The following EGFL7 variants were observed in gnomAD, a reference collection of about 807,000 sequenced individuals.
EGFL7 encodes the protein epidermal growth factor-like protein 7.
Under a neutral mutation model 37.1 loss-of-function variants are expected in EGFL7, and 48 were observed. The observed-to-expected ratio is 1.29, with a 90% CI of 1.03 to 1.65. EGFL7 has a LOEUF of 1.65. Among genes scored for constraint, EGFL7 ranks in the 40% most tolerant of loss-of-function variants. The pLI is 0.00. For missense variants in EGFL7, 384 were observed against 378.9 expected (o/e 1.01, Z -0.11); for synonymous variants, 180 against 156.8 (o/e 1.15, Z -1.10).
At chr9:136,661,961 C>A (rs979722377), upstream of EGFL7, among the ~76,000 whole-genome samples, 3 of 152,354 alleles carry the variant, frequency 2.0e-5, no homozygotes, top group East Asian at 1.9e-4. Flanking sequence ...GGGTTCCAGG[C>A]GTGCCCTCCA....
intron 6 of EGFL7, 63 bp downstream of exon 6, chr9:136,669,784 A>G: frequency 2.7e-6 from 4 of 1,462,250 alleles, no homozygotes; most frequent in Non-Finnish European, 3.7e-6. Context: ...TCTTCCAGCA[A>G]CGCTCCTGCT....
chr9:136,667,904 G>C (rs948060985), intron 3 of EGFL7, among the ~76,000 whole-genome samples: 11 of 152,230 alleles, frequency 7.2e-5, no homozygotes, highest in Non-Finnish European at 1.6e-4. Context: ...GAACCAGGCA[G>C]GACAGGAGAA....
intron 5 of EGFL7, among the ~76,000 whole-genome samples, chr9:136,669,300 C>T (rs1262947154): frequency 6.6e-6 from 1 of 152,240 alleles, no homozygotes; most frequent in Non-Finnish European, 1.5e-5. Context: ...ACACCCTCTC[C>T]TCTGGGCCTG....
chr9:136,671,814 C>G, intron 9 of EGFL7, 112 bp from the exon 10 acceptor site: 8 of 1,350,418 alleles, frequency 5.9e-6, no homozygotes, highest in Non-Finnish European at 7.8e-6. Context: ...AGCCCTGCCG[C>G]GGAGGCGGGG....
upstream of EGFL7, among the ~76,000 whole-genome samples, chr9:136,661,019 G>A (rs1489709956): frequency 2.6e-5 from 4 of 152,136 alleles, no homozygotes; most frequent in African/African-American, 4.8e-5. Context: ...GCAGGCCGCA[G>A]GGATGCAGGC....
At chr9:136,669,792 G>A in intron 6 of EGFL7, 71 bp downstream of exon 6, 1 of 1,457,642 alleles carries the variant, frequency 6.9e-7, no homozygotes, top group South Asian at 1.3e-5. Flanking sequence ...CAACGCTCCT[G>A]CTGCTTTTCT....
At position 136,671,014 on chromosome 9, in the gene EGFL7, G is replaced by A; in HGVS notation, c.636G>A (p.Glu212=). The A allele has an allele frequency of 7.9e-7, 1 of 1,273,394 alleles. No individual in the cohort carries two copies. The highest frequency in any genetic ancestry group is 1.1e-6 in the Non-Finnish European group (1 of 921,412). The allele number at this position is 1,273,394 out of a possible 1,614,324, so 78.9% of individuals were successfully genotyped here. A position where few individuals can be genotyped will look rare whatever the true frequency, so the allele number is the denominator to read the frequency against. ...AGTCCAGGGTGGACCTGCTGGAGGA[G>A]GTGAGGCATTGGTGGGGGGGGGGGG... ...RLQSRVDLLE[E]KLQLVLAPLH... is the part of the protein sequence containing the mutation. The change falls in exon 9 of 11, where the codon GAG becomes GAA. Residue 212 remains glutamate, a splice_region_variant and synonymous_variant. Coordinates refer to ENST00000308874, the MANE Select transcript of EGFL7 (RefSeq NM_016215.5).
chr9:136,665,950 C>G (rs1845441949), intron 3 of EGFL7: 1 of 144,202 alleles, frequency 6.9e-6, no homozygotes, highest in South Asian at 2.1e-4. Context: ...GGCTCCGGGA[C>G]GAGGCAGCGC....
chr9:136,672,008 T>C lies in EGFL7; in HGVS notation c.719T>C (p.Leu240Pro). ...GGGCTCCCGGACCCCGGCAGCCTCC[T>C]GGTGCACTCCTTCCAGCAGCTCGGC... ...EHGLPDPGSL[L>P]VHSFQQLGRI... is the part of the protein sequence containing the mutation. Residue 240 changes from leucine to proline, a missense_variant, in exon 10 of 11, where the codon CTG (leucine) becomes CCG (proline). By Grantham distance (98) the Leu-to-Pro change is moderately conservative. Coordinates refer to ENST00000308874, the MANE Select transcript of EGFL7 (RefSeq NM_016215.5). 1.9e-6 allele frequency: 3 copies of C among 1,544,250 alleles called. No homozygotes were observed. In the South Asian group the frequency reaches 3.6e-5, roughly 18 times the overall value.
chr9:136,661,300 C>A (rs552385849), upstream of EGFL7, among the ~76,000 whole-genome samples: 9 of 152,110 alleles, frequency 5.9e-5, no homozygotes, highest in Admixed American at 2.6e-4. Context: ...CCCCTCCTGA[C>A]AGCTGGAGGG....
At chr9:136,670,667 A>C in intron 8 of EGFL7, 1 of 770,710 alleles carries the variant, frequency 1.3e-6, no homozygotes, top group Non-Finnish European at 2.4e-6. Context: ...ACCGTGAGTA[A>C]TAATGCGCCG....
chr9:136,670,098 GGTT>G, intron 7 of EGFL7, 68 bp from the exon 8 acceptor site: 1 of 1,607,564 alleles, frequency 6.2e-7, no homozygotes, highest in Non-Finnish European at 8.5e-7. Context: ...ATGAGTGGGT[GGTT>G]GTGAAGGGAG....
At chr9:136,665,454 G>T (rs1845398427) in intron 3 of EGFL7, among the ~76,000 whole-genome samples, 1 of 152,226 alleles carries the variant, frequency 6.6e-6, no homozygotes, top group Admixed American at 6.5e-5. Context: ...CCGCAGCCCC[G>T]TCAGTGTGGG....
At position 136,670,925 on chromosome 9, in the gene EGFL7, A is replaced by AC. The variant is rs571532169; in HGVS notation, c.572-22dup. The AC allele has an allele frequency of 3.0e-3, 4,624 of 1,524,362 alleles. 10 individuals are homozygous for AC. Among genetic ancestry groups the AC allele is most frequent in the Non-Finnish European group, 3.5e-3 (3,983 of 1,135,484 alleles). The allele number at this position is 1,524,362 out of a possible 1,614,324, so 94.4% of individuals were successfully genotyped here. ...GTGGGTGGGGAGCCGGCCGGCCGTGACCCAGCGCCTGGCTCTGCCCGCAGG... is the reference window on the plus strand; with the variant it reads ...GTGGGTGGGGAGCCGGCCGGCCGTGACCCCAGCGCCTGGCTCTGCCCGCAGG... On this transcript the variant is annotated intron_variant, in intron 8 of 10. Transcript: ENST00000308874.
chr9:136,669,750 G>C (rs1398598239), intron 6 of EGFL7, 29 bp downstream of exon 6: 7 of 1,521,878 alleles, frequency 4.6e-6, no homozygotes, highest in Non-Finnish European at 5.4e-6. Context: ...GGCGCCCGGT[G>C]TTAGGAGGGC....
rs773940192 is a variant in EGFL7, at chr9:136,669,752, TAGG to T, written c.313+35_313+37del. On this transcript the variant is annotated intron_variant, in intron 6 of 10. Transcript: ENST00000308874. ...GGCTATGTCCCTCGGCGCCCGGTGT[TAGG>T]AGGGCGACTGTTCCCCAATCTTCCA... 3.3e-6 allele frequency: 5 copies of T among 1,516,378 alleles called. No homozygotes were observed. In the South Asian group the frequency reaches 4.8e-5, roughly 15 times the overall value. The allele number at this position is 1,516,378 out of a possible 1,614,324, so 93.9% of individuals were successfully genotyped here. A position where few individuals can be genotyped will look rare whatever the true frequency, so the allele number is the denominator to read the frequency against.
In EGFL7 at chr9:136,668,673, G is replaced by A. The variant is rs770792123; in HGVS notation, c.197G>A (p.Arg66Gln). 33 of 1,599,988 alleles carry A rather than the reference G, an allele frequency of 2.1e-5. No individual in the cohort carries two copies. The Admixed American group carries it at 2.3e-4, about 11-fold the overall frequency. Residue 66 changes from arginine to glutamine, a missense_variant and splice_region_variant, in exon 5 of 11, where the codon CGA (arginine) becomes CAA (glutamine). Transcript: ENST00000308874. ...GGGCACCGGGCCTGCAGCACCTACC[G>A]GTGAGTGCCCCACCACACCGAGCTC... ...CDGHRACSTY[R>Q]TIYRTAYRRS...
Position 136,671,945 on chromosome 9 carries a change from C to A in EGFL7, c.656C>A (p.Ala219Asp). ...CCACAGAAGCTGCAGCTGGTGCTGG[C>A]CCCACTGCACAGCCTGGCCTCGCAG... ...LLEEKLQLVL[A>D]PLHSLASQAL... The change falls in exon 10 of 11, where the codon GCC becomes GAC. Residue 219 changes from alanine to aspartate, a missense_variant. By Grantham distance (126) the Ala-to-Asp change is moderately radical. Coordinates refer to ENST00000308874, the MANE Select transcript of EGFL7 (RefSeq NM_016215.5). 6.6e-7 allele frequency: 1 copy of A among 1,523,120 alleles called. No individual in the cohort carries two copies. 94.4% of individuals were successfully genotyped at this position (1,523,120 alleles called of 1,614,324 possible).
intron 2 of EGFL7, among the ~76,000 whole-genome samples, chr9:136,664,261 T>TG (rs1313523797): frequency 6.6e-6 from 1 of 152,036 alleles, no homozygotes; most frequent in Non-Finnish European, 1.5e-5. Context: ...GATTGCAGGG[T>TG]GGGGCGGCCT....
Sources: allele counts gnomAD v4.1 joint callset (sites outside exome capture counted in the v4.1 genomes callset), GRCh38; gene constraint gnomAD v4.1.1; transcripts MANE v1.5; gene names NCBI Gene and HGNC (gene_info 2026-07-23, HGNC 2026-07-21).